Variants in AGBL4 observed in about 807,000 individuals in gnomAD.
AGBL4 encodes AGBL carboxypeptidase 4.
In AGBL4, 58 loss-of-function variants were observed where a neutral mutation model predicts 66.4. The ratio of observed to expected loss-of-function variants is 0.87; its 90% confidence interval spans 0.71 to 1.09. The LOEUF (loss-of-function observed/expected upper bound fraction) is 1.09. Ranked by LOEUF, AGBL4 falls within the 50% of genes least tolerant of loss-of-function variation. The pLI is 0.00. For missense variants in AGBL4, 579 were observed against 631.0 expected, an observed-to-expected ratio of 0.92 and a Z score of 0.88; for synonymous variants, 234 against 222.9, an observed-to-expected ratio of 1.05 and a Z score of -0.44.
In AGBL4 at chr1:49,920,918, G is replaced by T. The variant is rs143412902; in HGVS notation, c.35-69400C>A. On this transcript the variant is annotated intron_variant, in intron 1 of 13. Transcript: ENST00000371839. ...TGGAATACTATGCAGCCATAAAAAAGGATGAGGTCATGTCCTTTGTAGGGA... is the reference window on the plus strand; with the variant it reads ...TGGAATACTATGCAGCCATAAAAAATGATGAGGTCATGTCCTTTGTAGGGA... 8.0e-3 allele frequency among the ~76,000 whole-genome samples: 1,220 copies of T among 152,280 alleles called. 9 individuals are homozygous for T. Among genetic ancestry groups the T allele is most frequent in the Middle Eastern group, 0.031 (9 of 294 alleles).
At chr1:50,023,662 C>A in intron 1 of AGBL4, 101 bp downstream of exon 1, 6 of 1,374,470 alleles carry the variant, frequency 4.4e-6, no homozygotes, top group Non-Finnish European at 4.8e-6. Flanking sequence ...ATATACAGGA[C>A]CGCCTCCTCA....
chr1:48,541,446 A>G (rs1644067503), intron 11 of AGBL4, among the ~76,000 whole-genome samples: 1 of 152,220 alleles, frequency 6.6e-6, no homozygotes, highest in South Asian at 2.1e-4. Context: ...CTCATCTGAC[A>G]ATAAGTATGA....
At chr1:49,533,372 G>GTCAA (rs1434477810) in intron 3 of AGBL4, among the ~76,000 whole-genome samples, 4 of 152,104 alleles carry the variant, frequency 2.6e-5, no homozygotes, top group Non-Finnish European at 5.9e-5. Flanking sequence ...GCTTAATCCT[G>GTCAA]GTAATGATCT....
At chr1:49,911,442 A>G (rs1290079369) in intron 1 of AGBL4, among the ~76,000 whole-genome samples, 1 of 152,176 alleles carries the variant, frequency 6.6e-6, no homozygotes, top group African/African-American at 2.4e-5. Context: ...ATGGATATAG[A>G]TACTACATAC....
chr1:49,496,884 C>T (rs1647637392), intron 3 of AGBL4, among the ~76,000 whole-genome samples: 1 of 151,954 alleles, frequency 6.6e-6, no homozygotes, highest in Non-Finnish European at 1.5e-5. Context: ...TGGATATATA[C>T]CCAGTAGTTG....
intron 5 of AGBL4, among the ~76,000 whole-genome samples, chr1:48,936,068 C>T (rs1571041780): frequency 7.1e-6 from 1 of 141,466 alleles, no homozygotes; most frequent in Non-Finnish European, 1.5e-5. Flanking sequence ...AAGAGCATAG[C>T]TTGAGGCCAG....
At chr1:49,769,081 T>A (rs183011746) in intron 2 of AGBL4, among the ~76,000 whole-genome samples, 1 of 152,004 alleles carries the variant, frequency 6.6e-6, no homozygotes, top group Non-Finnish European at 1.5e-5. Flanking sequence ...TCTTGTGACC[T>A]CGTGATCTGC....
intron 5 of AGBL4, among the ~76,000 whole-genome samples, chr1:49,033,827 T>C (rs1664425568): frequency 6.6e-6 from 1 of 151,856 alleles, no homozygotes; most frequent in Non-Finnish European, 1.5e-5. Context: ...CTTTTCTTTT[T>C]TTTTTTTTTT....
chr1:49,118,508 T>C (rs1645580655), intron 4 of AGBL4, among the ~76,000 whole-genome samples: 1 of 152,166 alleles, frequency 6.6e-6, no homozygotes, highest in Admixed American at 6.5e-5. Context: ...ATTTATTGAT[T>C]TGCATATGTT....
chr1:48,876,710 T>C lies in AGBL4; in HGVS notation c.595-9480A>G, dbSNP rs1345659270. ...TGCCTTCTCTTCCAACATGAGGACC[T>C]GAATATTTTTCATATATTGATAGTT... On this transcript the variant is annotated intron_variant, in intron 5 of 13. Coordinates refer to ENST00000371839, the MANE Select transcript of AGBL4 (RefSeq NM_032785.4). Among the ~76,000 whole-genome samples, 4 of 152,204 alleles carry C rather than the reference T, an allele frequency of 2.6e-5. No individual in the cohort carries two copies. The South Asian group carries it at 6.2e-4, about 24-fold the overall frequency.
rs553313882 is a variant in AGBL4 at position 49,536,880 on chromosome 1, C to T, written c.282+160433G>A. On this transcript the variant is annotated intron_variant, in intron 3 of 13. Coordinates refer to ENST00000371839, the MANE Select transcript of AGBL4 (RefSeq NM_032785.4). ...AAAAATTAGCCAGGCATGTGGTGGG[C>T]GCCTGTAATGCCAGCCATCGGGAGG... Among the ~76,000 whole-genome samples, 8 of 151,960 alleles carry T rather than the reference C, an allele frequency of 5.3e-5. No homozygotes were observed. The South Asian group carries it at 1.0e-3, about 20-fold the overall frequency.
chr1:49,991,903 A>G (rs1165393468), intron 1 of AGBL4, among the ~76,000 whole-genome samples: 1 of 152,152 alleles, frequency 6.6e-6, no homozygotes, highest in African/African-American at 2.4e-5. Context: ...AAGTTATTAT[A>G]TACTCTACAC....
chr1:49,258,624 C>T (rs1290623328), intron 3 of AGBL4, among the ~76,000 whole-genome samples: 1 of 152,060 alleles, frequency 6.6e-6, no homozygotes, highest in Non-Finnish European at 1.5e-5. Context: ...TAAAAAGAAA[C>T]AAACAAAGCC....
intron 2 of AGBL4, among the ~76,000 whole-genome samples, chr1:49,717,431 T>G (rs1361189211): frequency 5.9e-5 from 9 of 152,070 alleles, no homozygotes; most frequent in African/African-American, 2.2e-4. Context: ...CTATATGAGC[T>G]GCCCTCTTCA....
At chr1:48,760,418 A>G (rs1320007041) in intron 6 of AGBL4, among the ~76,000 whole-genome samples, 2 of 152,234 alleles carry the variant, frequency 1.3e-5, no homozygotes, top group Non-Finnish European at 2.9e-5. Context: ...ACCCAGCCCA[A>G]TGAAACCATG....
intron 3 of AGBL4, among the ~76,000 whole-genome samples, chr1:49,420,480 C>A (rs908608918): frequency 6.6e-6 from 1 of 152,096 alleles, no homozygotes; most frequent in African/African-American, 2.4e-5. Flanking sequence ...ACGGGCGGAT[C>A]ACGAGGTCAG....
At chr1:49,071,094 C>T (rs1305187778) in intron 4 of AGBL4, among the ~76,000 whole-genome samples, 1 of 151,826 alleles carries the variant, frequency 6.6e-6, no homozygotes, top group African/African-American at 2.4e-5. Flanking sequence ...GTGATATCCC[C>T]TTTATCATTT....
At chr1:49,316,652 G>T (rs1017327643) in intron 3 of AGBL4, among the ~76,000 whole-genome samples, 10 of 151,892 alleles carry the variant, frequency 6.6e-5, no homozygotes, top group African/African-American at 2.4e-4. Flanking sequence ...ATACCAATCA[G>T]AGAGATTGGC....
intron 1 of AGBL4, among the ~76,000 whole-genome samples, chr1:49,859,381 T>C (rs1365284290): frequency 6.6e-6 from 1 of 152,168 alleles, no homozygotes; most frequent in Admixed American, 6.5e-5. Flanking sequence ...GGAAAGTATA[T>C]CATGACCAAG....
Sources: allele counts gnomAD v4.1 joint callset (sites outside exome capture counted in the v4.1 genomes callset), GRCh38; gene constraint gnomAD v4.1.1; transcripts MANE v1.5; gene names NCBI Gene and HGNC (gene_info 2026-07-23, HGNC 2026-07-21).